LTBP2: variants seen among roughly 807,000 people sequenced by gnomAD.
LTBP2 encodes latent transforming growth factor beta binding protein 2.
A neutral mutation model predicts 210.6 loss-of-function variants in LTBP2; 103 were observed. The ratio of observed to expected loss-of-function variants is 0.49; its 90% CI spans 0.42 to 0.58. The LOEUF is 0.58. LTBP2 is among the 20% of genes least tolerant of loss of function. The pLI is 0.00. For missense variants in LTBP2, 2,313 were observed against 2,494.5 expected (o/e 0.93, Z 1.55); for synonymous variants, 1,007 against 1,015.0 (o/e 0.99, Z 0.15).
At chr14:74,518,415 G>A (rs777141503) in intron 17 of LTBP2, among the ~76,000 whole-genome samples, 5 of 152,038 alleles carry the variant, frequency 3.3e-5, no homozygotes, top group African/African-American at 9.7e-5. Flanking sequence ...TCCTACCCTC[G>A]CCTAACCTCA....
rs2086884011 is a variant in LTBP2, at chr14:74,499,175, T to TGACA, written c.*1705_*1708dup. On this transcript the variant is annotated 3_prime_UTR_variant, in exon 36 of 36. Coordinates refer to ENST00000261978, the MANE Select transcript of LTBP2 (RefSeq NM_000428.3). ...ACAAGCTTTTTGATCTTTGCCAATC[T>TGACA]GACAGTTTTAAAAAGGATCTCAGTA... The TGACA allele has an allele frequency of 4.6e-6, 1 of 215,486 alleles. No homozygotes were observed. Among genetic ancestry groups the TGACA allele is most frequent in the South Asian group, 1.9e-4 (1 of 5,386 alleles). 13.3% of individuals were successfully genotyped at this position (215,486 alleles called of 1,614,324 possible).
intron 3 of LTBP2, among the ~76,000 whole-genome samples, chr14:74,584,001 AGCGCCAAGTAGGCC>A (rs2088171840): frequency 6.6e-6 from 1 of 152,300 alleles, no homozygotes; most frequent in East Asian, 1.9e-4. Flanking sequence ...CTGAGGGTTC[AGCGCCAAGTAGGCC>A]CTTTTGTTAG....
rs781267259 is a variant in LTBP2 at position 74,611,551 on chromosome 14, G to C, written c.394C>G (p.Pro132Ala). 1 of 1,573,274 alleles carries C rather than the reference G, an allele frequency of 6.4e-7. No homozygotes were observed. Among genetic ancestry groups the C allele is most frequent in the South Asian group, 1.1e-5 (1 of 87,384 alleles). The change falls in exon 1 of 36, where the codon CCA (proline) becomes GCA (alanine). Residue 132 changes from proline (P) to alanine (A), a missense_variant. Around this residue, in one of 3 missense-constraint regions of LTBP2, gnomAD observed 1,867 missense variants for 1,976.9 expected, o/e 0.94. Transcript: ENST00000261978. ...RRSTPLGQQQ[P>A]APRTRAAPAL... ...GGCGCGGCCCGGGTCCGGGGTGCTG[G>C]TTGCTGCTGGCCCAGGGGAGTGCTT...
At chr14:74,536,846 AAAAC>A (rs752407293) in intron 8 of LTBP2, among the ~76,000 whole-genome samples, 11 of 152,240 alleles carry the variant, frequency 7.2e-5, no homozygotes, top group South Asian at 2.1e-4. Flanking sequence ...ACTCCATCTC[AAAAC>A]AAACAAACAA....
rs145811412 is a variant in LTBP2 at position 74,506,087 on chromosome 14, C to G, written c.4138G>C (p.Asp1380His). The change falls in exon 28 of 36, where the codon GAT becomes CAT. Residue 1380 changes from aspartate to histidine, a missense_variant. Coordinates refer to ENST00000261978, the MANE Select transcript of LTBP2 (RefSeq NM_000428.3). Reference protein sequence around the residue: ...CLCASDLEEYDAQEGHCRPRG... With the variant: ...CLCASDLEEYHAQEGHCRPRG... Reference sequence around the variant, plus strand: ...GGGCGGCAGTGCCCCTCCTGGGCATCGTACTCCTCCAGGTCACTGGCACAG... The same window carrying G: ...GGGCGGCAGTGCCCCTCCTGGGCATGGTACTCCTCCAGGTCACTGGCACAG... The G allele has an allele frequency of 1.4e-4, 219 of 1,614,180 alleles. No individual in the cohort carries two copies. The African/African-American group carries it at 2.3e-3, about 17-fold the overall frequency.
intron 3 of LTBP2, among the ~76,000 whole-genome samples, chr14:74,579,405 G>A (rs529712900): frequency 2.0e-5 from 3 of 152,344 alleles, no homozygotes; most frequent in South Asian, 4.1e-4. Flanking sequence ...GGTGGAGGCA[G>A]GCAGCACTGC....
intron 2 of LTBP2, among the ~76,000 whole-genome samples, chr14:74,595,017 A>G (rs1190867957): frequency 6.6e-6 from 1 of 152,250 alleles, no homozygotes; most frequent in African/African-American, 2.4e-5. Flanking sequence ...GGGCCGGCCA[A>G]GTGCCCAGCT....
At chr14:74,540,874 T>C (rs1308191210) in intron 8 of LTBP2, among the ~76,000 whole-genome samples, 2 of 102,748 alleles carry the variant, frequency 1.9e-5, no homozygotes, top group African/African-American at 7.6e-5. Flanking sequence ...TATTTATATA[T>C]ATAATATATA....
intron 9 of LTBP2, among the ~76,000 whole-genome samples, chr14:74,535,712 G>A (rs184878588): frequency 5.9e-5 from 9 of 152,296 alleles, no homozygotes; most frequent in Admixed American, 5.9e-4. Flanking sequence ...GGGACGAGGG[G>A]AGGTGTCGGC....
At chr14:74,520,798 CATAAATGA>C (rs2087192290) in intron 17 of LTBP2, among the ~76,000 whole-genome samples, 1 of 103,524 alleles carries the variant, frequency 9.7e-6, no homozygotes, top group African/African-American at 4.5e-5. Flanking sequence ...GAGACTCCAT[CATAAATGA>C]ATGAATGAAT....
chr14:74,506,863 G>GCGCA (rs1566614303), intron 26 of LTBP2, 40 bp from the exon 27 acceptor site: 1 of 1,547,262 alleles, frequency 6.5e-7, no homozygotes. Context: ...ATGTGTGTGT[G>GCGCA]TGTGTGTGTG....
intron 29 of LTBP2, 32 bp from the exon 30 acceptor site, chr14:74,504,893 G>A (rs779016205): frequency 4.1e-5 from 66 of 1,612,764 alleles, no homozygotes; most frequent in Admixed American, 8.3e-5. Context: ...CTCAGAGTGG[G>A]GAGGGCCCTG....
chr14:74,555,727 C>G (rs531349769), intron 3 of LTBP2, 34 bp from the exon 4 acceptor site: 11 of 1,457,764 alleles, frequency 7.5e-6, no homozygotes, highest in African/African-American at 2.8e-5. Context: ...GGGTTTGCAC[C>G]CTGGGAACAG....
At chr14:74,506,536 G>A (rs186772526) in intron 27 of LTBP2, among the ~76,000 whole-genome samples, 162 bp downstream of exon 27, 1 of 152,356 alleles carries the variant, frequency 6.6e-6, no homozygotes, top group East Asian at 1.9e-4. Flanking sequence ...CGGCCCATGT[G>A]CCCCTGGGCG....
Position 74,553,148 on chromosome 14 carries a change from C to T in LTBP2, c.1022-86G>A, listed in dbSNP as rs1402516766. ...AGTCTGGTTAGAAAGCCCCATGGGA[C>T]TAGGGCTGCATTCATCTCAAGGGCA... On this transcript the variant is annotated intron_variant, in intron 4 of 35. Transcript: ENST00000261978. 3 of 1,326,872 alleles carry T rather than the reference C, an allele frequency of 2.3e-6. No individual in the cohort carries two copies. In the African/African-American group the frequency reaches 4.3e-5, roughly 19 times the overall value. The allele number at this position is 1,326,872 out of a possible 1,614,324, so 82.2% of individuals were successfully genotyped here. A position where few individuals can be genotyped will look rare whatever the true frequency, so the allele number is the denominator to read the frequency against.
chr14:74,539,409 CA>C (rs1193471081), intron 8 of LTBP2, among the ~76,000 whole-genome samples: 1 of 152,230 alleles, frequency 6.6e-6, no homozygotes, highest in East Asian at 1.9e-4. Context: ...CTCTAGATGT[CA>C]AGAGGGAGAA....
chr14:74,534,757 A>G (rs962116484), intron 9 of LTBP2, among the ~76,000 whole-genome samples: 5 of 152,060 alleles, frequency 3.3e-5, no homozygotes, highest in Non-Finnish European at 7.4e-5. Flanking sequence ...GAGAGAGGAG[A>G]GATGACGCAT....
intron 3 of LTBP2, among the ~76,000 whole-genome samples, chr14:74,559,370 A>G (rs369007997): frequency 1.2e-4 from 19 of 152,204 alleles, no homozygotes; most frequent in African/African-American, 4.6e-4. Context: ...CAGAAATAAA[A>G]AAGCCCTGCA....
chr14:74,545,521 G>A (rs1291070988), intron 8 of LTBP2, among the ~76,000 whole-genome samples: 2 of 152,164 alleles, frequency 1.3e-5, no homozygotes, highest in Non-Finnish European at 2.9e-5. Context: ...ATGGCAAGAC[G>A]ATCTCATGGC....
Sources: gnomAD v4.1 joint callset for allele counts (sites outside exome capture counted in the v4.1 genomes callset) on GRCh38, gnomAD v4.1.1 for gene constraint, gnomAD v4.1.1 regional missense constraint, MANE v1.5 for transcripts, NCBI Gene and HGNC (gene_info 2026-07-23, HGNC 2026-07-21) for gene names.